DLG5: variants seen among roughly 807,000 people sequenced by gnomAD.
DLG5 encodes the protein discs large MAGUK scaffold protein 5, also known as disks large homolog 5.
Under a neutral mutation model 189.8 loss-of-function variants are expected in DLG5, and 48 were observed. The observed-to-expected ratio is 0.25, with a 90% CI of 0.20 to 0.32. DLG5 has a LOEUF of 0.32. Among genes scored for constraint, DLG5 ranks in the 10% least tolerant of loss-of-function variants. The pLI, the probability that DLG5 is intolerant of heterozygous loss-of-function variation, is 1.00. For missense variants in DLG5, 2,160 were observed against 2,544.7 expected (o/e 0.85, Z 3.25); for synonymous variants, 1,016 against 1,054.1 (o/e 0.96, Z 0.70).
chr10:77,807,326 T>G (rs1249453992), intron 25 of DLG5, among the ~76,000 whole-genome samples: 1 of 152,192 alleles, frequency 6.6e-6, no homozygotes, highest in Non-Finnish European at 1.5e-5. Flanking sequence ...CGCATCAGTG[T>G]TCTCATGCTT....
chr10:77,936,363 G>T, the DLG5 span, among the ~76,000 whole-genome samples: 10 of 150,824 alleles, frequency 6.6e-5, no homozygotes, highest in South Asian at 1.3e-3. Flanking sequence ...CCTTGAACCA[G>T]GAAGTTGGAG....
In DLG5 at chr10:77,853,509, G is replaced by T. The variant is rs760673564; in HGVS notation, c.709C>A (p.Gln237Lys). ...HTLHSRLLSD[Q>K]TRLKDDVDML... ...TCCACGTCATCCTTCAGCCGAGTCT[G>T]GTCACTCAGGAGCCGGCTGTGGAGT... Residue 237 changes from glutamine (Q) to lysine (K), a missense_variant, in exon 5 of 32, where the codon CAG becomes AAG. Coordinates refer to ENST00000372391, the MANE Select transcript of DLG5 (RefSeq NM_004747.4). 13 of 1,609,196 alleles carry T rather than the reference G, an allele frequency of 8.1e-6. No individual in the cohort carries two copies. Among genetic ancestry groups the T allele is most frequent in the Non-Finnish European group, 1.1e-5 (13 of 1,178,238 alleles).
chr10:77,934,175 A>C, the DLG5 span, among the ~76,000 whole-genome samples: 1 of 152,102 alleles, frequency 6.6e-6, no homozygotes, highest in Non-Finnish European at 1.5e-5. Flanking sequence ...ATTTGAGACC[A>C]GCCTGACCAA....
intron 6 of DLG5, 32 bp downstream of exon 6, chr10:77,843,415 T>C (rs752087924): frequency 3.1e-6 from 5 of 1,607,518 alleles, no homozygotes; most frequent in Non-Finnish European, 4.2e-6. Context: ...TAGGACCCAT[T>C]TGCCCCCGGC....
At chr10:77,916,945 A>T (rs569213318) in intron 1 of DLG5, among the ~76,000 whole-genome samples, 1 of 145,236 alleles carries the variant, frequency 6.9e-6, no homozygotes, top group African/African-American at 2.5e-5. Flanking sequence ...TTCGGCCTAA[A>T]AAAGGAATTT....
chr10:77,814,842 G>C (rs1228255831), intron 20 of DLG5, among the ~76,000 whole-genome samples: 1 of 152,046 alleles, frequency 6.6e-6, no homozygotes, highest in Non-Finnish European at 1.5e-5. Flanking sequence ...CCTTACAGGT[G>C]TGAACCACAG....
rs1006719265 is a variant in DLG5, at chr10:77,879,238, A to G, written c.305-10041T>C. Among the ~76,000 whole-genome samples, 3 of 152,134 alleles carry G rather than the reference A, an allele frequency of 2.0e-5. No homozygotes were observed. The East Asian group carries it at 5.8e-4, about 30-fold the overall frequency. The stretch of plus-strand genomic sequence containing the variant: ...ACCTAGAGGAAGCGTGGAGTGCCAG[A>G]GGAGGGAATAGCAAGTGCAAAGGCC... On this transcript the variant is annotated intron_variant, in intron 1 of 31. Coordinates refer to ENST00000372391, the MANE Select transcript of DLG5 (RefSeq NM_004747.4).
At chr10:77,849,831 G>A (rs997474852) in intron 5 of DLG5, among the ~76,000 whole-genome samples, 1 of 152,208 alleles carries the variant, frequency 6.6e-6, no homozygotes, top group African/African-American at 2.4e-5. Context: ...GAAACTTTAC[G>A]CTTCTTGAGG....
At chr10:77,888,898 A>C (rs1444830190) in intron 1 of DLG5, among the ~76,000 whole-genome samples, 1 of 152,096 alleles carries the variant, frequency 6.6e-6, no homozygotes, top group Admixed American at 6.5e-5. Context: ...ACTGAAGAAG[A>C]ACTGCCCAAA....
In DLG5 at chr10:77,796,419, A is replaced by T. The variant is rs1174563497; in HGVS notation, c.5308+32T>A. Reference sequence around the variant, plus strand: ...ACAGGGACATAGAGACAAAGAGCCCAGTAGGCACAGAGGGTGCCCCGTGCC... The same window carrying T: ...ACAGGGACATAGAGACAAAGAGCCCTGTAGGCACAGAGGGTGCCCCGTGCC... On this transcript the variant is annotated intron_variant, in intron 28 of 31. Coordinates refer to ENST00000372391, the MANE Select transcript of DLG5 (RefSeq NM_004747.4). This position sits in a 1 kb window ranked among gnomAD's most constrained non-coding sequence, Gnocchi z 5.2. 6.2e-7 allele frequency: 1 copy of T among 1,613,984 alleles called. No individual in the cohort carries two copies. Among genetic ancestry groups the T allele is most frequent in the Non-Finnish European group, 8.5e-7 (1 of 1,179,996 alleles).
At chr10:77,830,461 T>C in intron 10 of DLG5, 117 bp from the exon 11 acceptor site, 1 of 1,469,020 alleles carries the variant, frequency 6.8e-7, no homozygotes, top group Non-Finnish European at 9.3e-7. Flanking sequence ...CCTCATCTGA[T>C]AAGACACTCC....
intron 3 of DLG5, among the ~76,000 whole-genome samples, chr10:77,854,914 A>C (rs1045216154): frequency 5.3e-5 from 8 of 151,458 alleles, no homozygotes; most frequent in Admixed American, 4.6e-4. Flanking sequence ...ACTTGAGCCC[A>C]GGAGGTCGAG....
intron 1 of DLG5, among the ~76,000 whole-genome samples, chr10:77,919,672 T>C (rs186071206): frequency 6.7e-6 from 1 of 149,478 alleles, no homozygotes; most frequent in East Asian, 2.0e-4. Flanking sequence ...ATTCTATGTG[T>C]AGAAAGGGAA....
chr10:77,868,381 C>T (rs1844772280), intron 2 of DLG5: 1 of 348,594 alleles, frequency 2.9e-6, no homozygotes, highest in Non-Finnish European at 5.7e-6. Context: ...TGGAGGTGTT[C>T]AAGATGTGAG....
At chr10:77,916,557 G>A (rs1402724800) in intron 1 of DLG5, among the ~76,000 whole-genome samples, 2 of 151,844 alleles carry the variant, frequency 1.3e-5, no homozygotes, top group East Asian at 3.9e-4. Flanking sequence ...CTCCCAAAAT[G>A]CTGGGATTAC....
intron 20 of DLG5, 139 bp from the exon 21 acceptor site, chr10:77,812,516 A>T: frequency 1.0e-6 from 1 of 973,572 alleles, no homozygotes; most frequent in Non-Finnish European, 1.5e-6. Flanking sequence ...ACACAGCTAC[A>T]TGGGGACATG....
chr10:77,934,984 A>G, the DLG5 span, among the ~76,000 whole-genome samples: 1 of 149,978 alleles, frequency 6.7e-6, no homozygotes, highest in East Asian at 2.0e-4. Context: ...CAGCCTTCCC[A>G]ATAGCTGGGA....
chr10:77,916,736 A>G (rs999889844), intron 1 of DLG5, among the ~76,000 whole-genome samples: 21 of 152,004 alleles, frequency 1.4e-4, no homozygotes, highest in Non-Finnish European at 2.8e-4. Context: ...GAATTACCAT[A>G]TGACCCAGCA....
chr10:77,891,665 C>T (rs547572323), intron 1 of DLG5, among the ~76,000 whole-genome samples: 2 of 152,160 alleles, frequency 1.3e-5, no homozygotes, highest in African/African-American at 4.8e-5. Context: ...GCCACATTCC[C>T]TCCAACCCCG....
Sources: allele counts gnomAD v4.1 joint callset (sites outside exome capture counted in the v4.1 genomes callset), GRCh38; gene constraint gnomAD v4.1.1; non-coding constraint Gnocchi (gnomAD v3.1); transcripts MANE v1.5; gene names NCBI Gene and HGNC (gene_info 2026-07-23, HGNC 2026-07-21).